CACNA1B: variants seen among roughly 807,000 people sequenced by gnomAD.
The protein encoded by CACNA1B is calcium voltage-gated channel subunit alpha1 B, also known as voltage-dependent N-type calcium channel subunit alpha-1B.
Under a neutral mutation model 247.2 loss-of-function variants are expected in CACNA1B, and 70 were observed. The observed-to-expected ratio is 0.28, with a 90% CI of 0.23 to 0.35. The LOEUF is 0.35. Ranked by LOEUF, CACNA1B falls within the 10% of genes least tolerant of loss-of-function variation. The pLI is 1.00. For missense variants in CACNA1B, 2,367 were observed against 3,197.4 expected, an observed-to-expected ratio of 0.74 and a Z score of 6.26; for synonymous variants, 1,231 against 1,294.4, an observed-to-expected ratio of 0.95 and a Z score of 1.05.
At chr9:137,999,845 T>A (rs1400032206) in intron 15 of CACNA1B, among the ~76,000 whole-genome samples, 6 of 151,924 alleles carry the variant, frequency 3.9e-5, no homozygotes, top group Non-Finnish European at 1.5e-5. Context: ...GAAGAAGGAA[T>A]AATAAACCAA....
chr9:138,109,747 A>G (rs571123794), intron 39 of CACNA1B, among the ~76,000 whole-genome samples: 38 of 152,324 alleles, frequency 2.5e-4, no homozygotes, highest in African/African-American at 7.7e-4. Flanking sequence ...GTAGACAGAA[A>G]CGTAAAATCT....
In CACNA1B at chr9:137,904,504, A is replaced by G. The variant is rs72769041; in HGVS notation, c.531-8676A>G. Among the ~76,000 whole-genome samples the G allele has an allele frequency of 3.3e-3, 503 of 151,658 alleles. 5 individuals are homozygous for G. The highest frequency in any genetic ancestry group is 4.8e-3 in the South Asian group (23 of 4,782). Reference sequence around the variant, plus strand: ...ACCTTAGCCTCCTGAGGGTGGAACTACAGGTGTGTGCCACCATGCCTGGCT... The same window carrying G: ...ACCTTAGCCTCCTGAGGGTGGAACTGCAGGTGTGTGCCACCATGCCTGGCT... On this transcript the variant is annotated intron_variant, in intron 3 of 46. Coordinates refer to ENST00000371372, the MANE Select transcript of CACNA1B (RefSeq NM_000718.4).
At chr9:138,045,971 TC>T (rs1959181927) in intron 21 of CACNA1B, among the ~76,000 whole-genome samples, 1 of 152,100 alleles carries the variant, frequency 6.6e-6, no homozygotes, top group Non-Finnish European at 1.5e-5. Flanking sequence ...GGGAGGCATC[TC>T]CAGAGCACAG....
At chr9:137,904,522 G>A (rs1351586130) in intron 3 of CACNA1B, among the ~76,000 whole-genome samples, 1 of 151,600 alleles carries the variant, frequency 6.6e-6, no homozygotes. Flanking sequence ...GTGCCACCAT[G>A]CCTGGCTAAT....
chr9:138,014,414 G>A lies in CACNA1B; in HGVS notation c.2267+1179G>A, dbSNP rs1183535146. On this transcript the variant is annotated intron_variant, in intron 18 of 46. Coordinates refer to ENST00000371372, the MANE Select transcript of CACNA1B (RefSeq NM_000718.4). The surrounding 1 kb of genome is among the most constrained non-coding windows in gnomAD (Gnocchi z 6.2). Reference sequence around the variant, plus strand: ...AAGCAGCTAGAAGAGGCTGCAGCCCGCCGGGGACTCAGGCAGGGATGGGAG... The same window carrying A: ...AAGCAGCTAGAAGAGGCTGCAGCCCACCGGGGACTCAGGCAGGGATGGGAG... 6.6e-6 allele frequency among the ~76,000 whole-genome samples: 1 copy of A among 152,110 alleles called. No individual in the cohort carries two copies. Among genetic ancestry groups the A allele is most frequent in the Non-Finnish European group, 1.5e-5 (1 of 67,994 alleles).
At chr9:138,003,908 C>A (rs1361439507) in intron 15 of CACNA1B, among the ~76,000 whole-genome samples, 1 of 151,794 alleles carries the variant, frequency 6.6e-6, no homozygotes, top group Non-Finnish European at 1.5e-5. Context: ...AGACGTGAGC[C>A]ACCACGCCTG....
intron 35 of CACNA1B, among the ~76,000 whole-genome samples, chr9:138,076,233 G>A (rs1191048378): frequency 6.6e-6 from 1 of 152,214 alleles, no homozygotes; most frequent in Non-Finnish European, 1.5e-5. Context: ...TGAGGCTCCA[G>A]GCAGAGGTCT....
intron 7 of CACNA1B, among the ~76,000 whole-genome samples, chr9:137,953,443 G>T (rs1957902392): frequency 1.3e-5 from 2 of 152,214 alleles, no homozygotes; most frequent in Admixed American, 6.5e-5. Context: ...GGGATGGCTG[G>T]AGCCGAAGCC....
intron 6 of CACNA1B, among the ~76,000 whole-genome samples, chr9:137,947,066 A>G (rs1957805416): frequency 6.6e-6 from 1 of 152,188 alleles, no homozygotes; most frequent in Non-Finnish European, 1.5e-5. Context: ...ATTTTCTGGA[A>G]TTTAACTACT....
chr9:137,917,401 C>G lies in CACNA1B; in HGVS notation c.936C>G (p.Thr312=). ...TCTTGACGGTGTTCCAGTGCATCAC[C>G]ATGGAGGGCTGGACTGACATCCTCT... The part of the protein sequence containing the change: ...FAILTVFQCI[T]MEGWTDILYN... The change falls in exon 6 of 47, where the codon ACC becomes ACG. Residue 312 remains threonine, a synonymous_variant. Transcript: ENST00000371372. The surrounding 1 kb of genome is among the most constrained non-coding windows in gnomAD (Gnocchi z 5.5). The G allele has an allele frequency of 6.2e-7, 1 of 1,613,926 alleles. No individual in the cohort carries two copies. The highest frequency in any genetic ancestry group is 1.3e-5 in the African/African-American group (1 of 75,066).
intron 6 of CACNA1B, among the ~76,000 whole-genome samples, chr9:137,935,566 G>T (rs1346742891): frequency 6.6e-6 from 1 of 152,176 alleles, no homozygotes; most frequent in East Asian, 1.9e-4. Context: ...ATAAACATAT[G>T]TGTGCATGTG....
At chr9:138,080,939 G>A (rs973374810) in intron 36 of CACNA1B, among the ~76,000 whole-genome samples, 27 of 152,214 alleles carry the variant, frequency 1.8e-4, no homozygotes, top group African/African-American at 6.3e-4. Context: ...ACAAAACTGT[G>A]TTTCACTACT....
chr9:137,955,295 C>T lies in CACNA1B; in HGVS notation c.1071-403C>T, dbSNP rs1313119568. On this transcript the variant is annotated intron_variant, in intron 7 of 46. Transcript: ENST00000371372. This position sits in a 1 kb window ranked among gnomAD's most constrained non-coding sequence, Gnocchi z 6.9. ...TCCTCTGGAGAATTCTCGCCAGGAGCTCTCTGGAGGACAGCAGATAACAGA... is the reference window on the plus strand; with the variant it reads ...TCCTCTGGAGAATTCTCGCCAGGAGTTCTCTGGAGGACAGCAGATAACAGA... Among the ~76,000 whole-genome samples the T allele has an allele frequency of 6.6e-6, 1 of 152,210 alleles. No individual in the cohort carries two copies. Among genetic ancestry groups the T allele is most frequent in the African/African-American group, 2.4e-5 (1 of 41,454 alleles).
chr9:137,918,707 G>A (rs567289535), intron 6 of CACNA1B, among the ~76,000 whole-genome samples: 18 of 152,288 alleles, frequency 1.2e-4, no homozygotes, highest in African/African-American at 4.3e-4. Context: ...TGCCTCATGC[G>A]TTCATGGAGA....
chr9:138,040,471 T>G (rs1256907475), intron 20 of CACNA1B: 1 of 180,062 alleles, frequency 5.6e-6, no homozygotes, highest in African/African-American at 2.9e-5. Context: ...TATATGTATC[T>G]CCTATATATC....
chr9:137,918,299 C>G (rs758354091), intron 6 of CACNA1B, among the ~76,000 whole-genome samples: 2 of 152,106 alleles, frequency 1.3e-5, no homozygotes, highest in Non-Finnish European at 2.9e-5. Flanking sequence ...ACCACCGACT[C>G]TTGAGCAGAT....
chr9:138,058,981 C>G lies in CACNA1B; in HGVS notation c.4474-98C>G. 2 of 777,362 alleles carry G rather than the reference C, an allele frequency of 2.6e-6. No individual in the cohort carries two copies. Among genetic ancestry groups the G allele is most frequent in the South Asian group, 3.1e-5 (2 of 63,980 alleles). 48.2% of individuals were successfully genotyped at this position (777,362 alleles called of 1,614,324 possible). ...GGGTGTCCCAGGCCTAGGCAGGCAT[C>G]GAGTTCTGTCTGCCCGCTTTGCTTG... On this transcript the variant is annotated intron_variant, in intron 29 of 46. Coordinates refer to ENST00000371372, the MANE Select transcript of CACNA1B (RefSeq NM_000718.4). This position sits in a 1 kb window ranked among gnomAD's most constrained non-coding sequence, Gnocchi z 4.7.
chr9:138,107,849 G>A (rs1961485242), intron 39 of CACNA1B, among the ~76,000 whole-genome samples: 1 of 152,038 alleles, frequency 6.6e-6, no homozygotes, highest in African/African-American at 2.4e-5. Flanking sequence ...GCCGGGCATG[G>A]TGGCGGGCGC....
chr9:138,003,439 C>T lies in CACNA1B; in HGVS notation c.1975-3328C>T, dbSNP rs1039625917. Among the ~76,000 whole-genome samples the T allele has an allele frequency of 6.6e-5, 10 of 151,548 alleles. No homozygotes were observed. The East Asian group carries it at 7.8e-4, about 12-fold the overall frequency. On this transcript the variant is annotated intron_variant, in intron 15 of 46. Coordinates refer to ENST00000371372, the MANE Select transcript of CACNA1B (RefSeq NM_000718.4). ...ACAGGTGTGAGCCACCACTCCTGGC[C>T]GTGTGTGTTTGTAGTGAAAATATCT...
Sources: gnomAD v4.1 joint callset for allele counts (sites outside exome capture counted in the v4.1 genomes callset) on GRCh38, gnomAD v4.1.1 for gene constraint, Gnocchi (gnomAD v3.1) non-coding constraint, MANE v1.5 for transcripts, NCBI Gene and HGNC (gene_info 2026-07-23, HGNC 2026-07-21) for gene names.